Variants in KIAA1217 observed in about 807,000 individuals in gnomAD.
The protein encoded by KIAA1217 is KIAA1217, also known as sickle tail protein homolog.
Under a neutral mutation model 163.9 loss-of-function variants are expected in KIAA1217, and 88 were observed. The ratio of observed to expected loss-of-function variants is 0.54; its 90% confidence interval spans 0.45 to 0.64. The LOEUF (loss-of-function observed/expected upper bound fraction) is 0.64, where lower values mean the gene tolerates loss of function less well. Ranked by LOEUF, KIAA1217 falls within the 30% of genes least tolerant of loss-of-function variation. The pLI, the probability that KIAA1217 is intolerant of heterozygous loss-of-function variation, is 0.00. For synonymous variants in KIAA1217, 903 were observed against 923.1 expected (o/e 0.98, Z 0.39); for missense variants, 2,372 against 2,475.0 (o/e 0.96, Z 0.88).
At chr10:24,196,136 A>AACACACACACACACACACAC (rs66954103) in intron 2 of KIAA1217, among the ~76,000 whole-genome samples, 109 of 144,314 alleles carry the variant, frequency 7.6e-4, no homozygotes, top group African/African-American at 2.8e-3. Context: ...CCTGTCTCAA[A>AACACACACACACACACACAC]ACACACACAC....
At chr10:24,250,598 A>T in intron 2 of KIAA1217, among the ~76,000 whole-genome samples, 1 of 1,586 alleles carries the variant, frequency 6.3e-4, no homozygotes, top group African/African-American at 2.5e-3. Flanking sequence ...ACGCCTTGCT[A>T]ATTTTTTTTT....
chr10:24,186,992 G>A (rs993670599), intron 2 of KIAA1217, among the ~76,000 whole-genome samples: 2 of 152,138 alleles, frequency 1.3e-5, no homozygotes, highest in Non-Finnish European at 2.9e-5. Context: ...CTGTGACTCA[G>A]GCTATGTTTT....
intron 1 of KIAA1217, among the ~76,000 whole-genome samples, chr10:23,748,566 A>AG (rs141499772): frequency 0.19 from 6,827 of 35,342 alleles, 557 homozygotes; most frequent in African/African-American, 0.38. Flanking sequence ...GAGGAGGGGG[A>AG]GGGGGACGGA....
Position 24,171,733 on chromosome 10 carries a change from G to T in KIAA1217, c.-170-47893G>T, listed in dbSNP as rs565352894. Among the ~76,000 whole-genome samples the T allele has an allele frequency of 2.6e-5, 4 of 152,224 alleles. No individual in the cohort carries two copies. In the South Asian group the frequency reaches 8.3e-4, roughly 32 times the overall value. ...ACCTGGGAGGCGGAGGTTGCAGTAA[G>T]CTAAGATTGCACCATTGCACTCCAG... On this transcript the variant is annotated intron_variant, in intron 2 of 18. Coordinates refer to the KIAA1217 transcript ENST00000376462.
At chr10:24,396,382 A>G (rs2055757736) in intron 3 of KIAA1217, among the ~76,000 whole-genome samples, 1 of 152,148 alleles carries the variant, frequency 6.6e-6, no homozygotes, top group Non-Finnish European at 1.5e-5. Context: ...AGTATCTACC[A>G]GGCAATCTTA....
intron 2 of KIAA1217, among the ~76,000 whole-genome samples, chr10:24,255,983 G>A (rs2075108122): frequency 7.5e-6 from 1 of 134,190 alleles, no homozygotes; most frequent in African/African-American, 2.8e-5. Context: ...TGTGGGATCA[G>A]ATTTAGAAAT....
In KIAA1217 at chr10:24,544,470, G is replaced by A. The variant is rs1402664118; in HGVS notation, c.5200G>A (p.Ala1734Thr). ...AGAGCCCCCTACGTCGATACCTTCA[G>A]CTTCACGTAAGGTATCTTGGTCTGC... ...ALEPPTSIPS[A>T]SRKGSSGAPQ... is the part of the protein sequence containing the mutation. Residue 1734 changes from alanine to threonine, a missense_variant, in exon 19 of 21, where the codon GCT becomes ACT. By Grantham distance (58) the Ala-to-Thr change is moderately conservative. Around this residue, in one of 3 missense-constraint regions of KIAA1217, gnomAD observed 690 missense variants for 677.5 expected, o/e 1.02. Transcript: ENST00000376454. 6.2e-7 allele frequency: 1 copy of A among 1,610,878 alleles called. No homozygotes were observed. Among genetic ancestry groups the A allele is most frequent in the East Asian group, 2.2e-5 (1 of 44,816 alleles).
Position 23,876,100 on chromosome 10 carries a change from A to T in KIAA1217, c.-320-131125A>T, listed in dbSNP as rs28666763. On this transcript the variant is annotated intron_variant, in intron 1 of 18. Coordinates refer to the KIAA1217 transcript ENST00000376462. The stretch of plus-strand genomic sequence containing the variant: ...GTACCCTAGAACTTAAAGTATAATT[A>T]AAAAAAAAAAAGAAAATGAGACATA... Among the ~76,000 whole-genome samples the T allele has an allele frequency of 1.3e-4, 18 of 139,512 alleles. No individual in the cohort carries two copies. In the South Asian group the frequency reaches 1.5e-3, roughly 12 times the overall value. 91.5% of individuals were successfully genotyped at this position (139,512 alleles called of 152,430 possible). A position where few individuals can be genotyped will look rare whatever the true frequency, so the allele number is the denominator to read the frequency against.
intron 2 of KIAA1217, among the ~76,000 whole-genome samples, chr10:24,286,462 A>G (rs961854036): frequency 6.6e-6 from 1 of 152,024 alleles, no homozygotes; most frequent in Non-Finnish European, 1.5e-5. Flanking sequence ...ATATACACAC[A>G]CACACACACA....
intron 2 of KIAA1217, among the ~76,000 whole-genome samples, chr10:24,061,697 A>G (rs761048524): frequency 4.6e-5 from 7 of 152,188 alleles, no homozygotes; most frequent in Non-Finnish European, 8.8e-5. Context: ...AGCACTTTGA[A>G]TATATCATCC....
rs1411051469 is a variant in KIAA1217 at position 23,934,612 on chromosome 10, T to C, written c.-320-72613T>C. On this transcript the variant is annotated intron_variant, in intron 1 of 18. Transcript: ENST00000376462. Reference sequence around the variant, plus strand: ...ATATGTATATATATATATATGTATATATATATATATATATTTTTTTTTTGA... The same window carrying C: ...ATATGTATATATATATATATGTATACATATATATATATATTTTTTTTTTGA... Among the ~76,000 whole-genome samples the C allele has an allele frequency of 2.1e-4, 17 of 80,854 alleles. 1 individual carries two copies. In the East Asian group the frequency reaches 2.8e-3, roughly 13 times the overall value. The allele number at this position is 80,854 out of a possible 152,430, so 53.0% of individuals were successfully genotyped here.
intron 2 of KIAA1217, among the ~76,000 whole-genome samples, chr10:24,135,170 C>G (rs1464910694): frequency 2.0e-5 from 3 of 152,186 alleles, no homozygotes; most frequent in Admixed American, 6.5e-5. Context: ...TCCACACACT[C>G]CCTTCTCTTT....
At chr10:24,113,124 C>T (rs1175464493) in intron 2 of KIAA1217, among the ~76,000 whole-genome samples, 2 of 152,062 alleles carry the variant, frequency 1.3e-5, no homozygotes, top group Non-Finnish European at 2.9e-5. Context: ...TTTGTGACAA[C>T]GTGTTACAGT....
intron 2 of KIAA1217, among the ~76,000 whole-genome samples, chr10:24,128,573 G>C (rs192623471): frequency 6.6e-6 from 1 of 152,116 alleles, no homozygotes; most frequent in Non-Finnish European, 1.5e-5. Context: ...GCATGCCATG[G>C]GGACTCATTC....
chr10:23,999,918 A>C (rs1846663420), intron 1 of KIAA1217, among the ~76,000 whole-genome samples: 1 of 151,984 alleles, frequency 6.6e-6, no homozygotes, highest in Non-Finnish European at 1.5e-5. Flanking sequence ...AAAAATAATA[A>C]TAACTGGGGA....
intron 2 of KIAA1217, among the ~76,000 whole-genome samples, chr10:24,259,689 G>A (rs1277317643): frequency 6.6e-6 from 1 of 152,176 alleles, no homozygotes; most frequent in Admixed American, 6.5e-5. Flanking sequence ...CTGGAGCCTG[G>A]AACTGAACTC....
intron 1 of KIAA1217, among the ~76,000 whole-genome samples, chr10:23,778,085 G>GCCACC (rs1835085794): frequency 6.6e-6 from 1 of 152,126 alleles, no homozygotes; most frequent in African/African-American, 2.4e-5. Flanking sequence ...GGGATTATGG[G>GCCACC]TGTGCACCAC....
At chr10:23,812,183 G>A (rs1030330232) in intron 1 of KIAA1217, among the ~76,000 whole-genome samples, 1 of 152,186 alleles carries the variant, frequency 6.6e-6, no homozygotes, top group African/African-American at 2.4e-5. Context: ...ATCTGATTTA[G>A]TAGACACTTA....
intron 1 of KIAA1217, among the ~76,000 whole-genome samples, chr10:24,217,546 C>A (rs11013979): frequency 0.24 from 37,222 of 152,138 alleles, 5,498 homozygotes; most frequent in East Asian, 0.34. Flanking sequence ...GAAAACCAGC[C>A]TGAGATGAAA....
Sources: allele counts gnomAD v4.1 joint callset (sites outside exome capture counted in the v4.1 genomes callset), GRCh38; gene constraint gnomAD v4.1.1; regional missense constraint gnomAD v4.1.1; transcripts MANE v1.5; gene names NCBI Gene and HGNC (gene_info 2026-07-23, HGNC 2026-07-21).